The following XRN1 variants were observed in gnomAD, a reference collection of about 807,000 sequenced individuals.
The protein encoded by XRN1 is strand-exchange protein 1 homolog.
In XRN1, 67 loss-of-function variants were observed where a neutral mutation model predicts 222.3. That is an observed-to-expected ratio of 0.30 (90% CI 0.25 to 0.37). The LOEUF is 0.37. Ranked by LOEUF, XRN1 falls within the 10% of genes least tolerant of loss-of-function variation. The probability of loss-of-function intolerance (pLI) is 1.00; values close to 1 mark genes in which losing one functional copy is unlikely to be tolerated. For synonymous variants in XRN1, 643 were observed against 652.4 expected, an observed-to-expected ratio of 0.99 and a Z score of 0.22; for missense variants, 1,707 against 2,000.2, an observed-to-expected ratio of 0.85 and a Z score of 2.80.
In XRN1 at chr3:142,345,145, G is replaced by A. The variant is rs183360235; in HGVS notation, c.3877+2089C>T. On this transcript the variant is annotated intron_variant, in intron 33 of 40. Coordinates refer to ENST00000392981, the MANE Select transcript of XRN1 (RefSeq NM_001282857.2). The stretch of plus-strand genomic sequence containing the variant: ...GAGATGGTGTCTTAATATGTTTCCC[G>A]GGCTGGACTCAAACTCCTGGGTTCA... Among the ~76,000 whole-genome samples, 270 of 152,092 alleles carry A rather than the reference G, an allele frequency of 1.8e-3. 2 individuals carry two copies. Among genetic ancestry groups the A allele is most frequent in the Admixed American group, 9.9e-3 (151 of 15,254 alleles).
rs2070602827 is a variant in XRN1, at chr3:142,447,948, G to A, written c.-4C>T. Reference sequence around the variant, plus strand: ...TGTAAAACTTGGGGACTCCCATTTCGATCGTCAACACTAATCCCAGTCAGG... The same window carrying A: ...TGTAAAACTTGGGGACTCCCATTTCAATCGTCAACACTAATCCCAGTCAGG... On this transcript the variant is annotated 5_prime_UTR_variant, in exon 1 of 41. Transcript: ENST00000392981. The surrounding 1 kb of genome is among the most constrained non-coding windows in gnomAD (Gnocchi z 4.2). 2 of 1,613,638 alleles carry A rather than the reference G, an allele frequency of 1.2e-6. No individual in the cohort carries two copies. Among genetic ancestry groups the A allele is most frequent in the Middle Eastern group, 1.7e-4 (1 of 6,022 alleles).
At position 142,418,829 on chromosome 3, in the gene XRN1, A is replaced by C; in HGVS notation, c.1226T>G (p.Met409Arg). ...TTCATACTTACCCTTAGAAGTTATCATTTCGCCTTCATTTTTGTCTAAAGC... is the reference window on the plus strand; with the variant it reads ...TTCATACTTACCCTTAGAAGTTATCCTTTCGCCTTCATTTTTGTCTAAAGC... ...WTALDKNEGE[M>R]ITSKDNLEDE... The change falls in exon 11 of 41, where the codon ATG (methionine) becomes AGG (arginine). Residue 409 changes from methionine (M) to arginine (R), a missense_variant. Met to Arg is a moderately conservative substitution (Grantham distance 91). Transcript: ENST00000392981. 1 of 1,614,022 alleles carries C rather than the reference A, an allele frequency of 6.2e-7. No homozygotes were observed.
chr3:142,434,924 C>CA (rs1487109954), intron 1 of XRN1: 3 of 151,776 alleles, frequency 2.0e-5, no homozygotes, highest in South Asian at 2.1e-4. Context: ...AGAAATGTAA[C>CA]AAAAAAATTA....
intron 33 of XRN1, among the ~76,000 whole-genome samples, chr3:142,346,137 T>C (rs2066138152): frequency 6.6e-6 from 1 of 152,202 alleles, no homozygotes; most frequent in Non-Finnish European, 1.5e-5. Flanking sequence ...AACCTCCATG[T>C]CTACAAATGG....
chr3:142,391,573 T>A (rs757069937), intron 20 of XRN1, among the ~76,000 whole-genome samples: 16 of 151,534 alleles, frequency 1.1e-4, no homozygotes, highest in Admixed American at 3.3e-4. Flanking sequence ...TACAAAAAAT[T>A]AAAATAGTAG....
Position 142,380,069 on chromosome 3 carries a change from C to G in XRN1, c.2715+13G>C, listed in dbSNP as rs1334028143. 1.3e-6 allele frequency: 2 copies of G among 1,593,202 alleles called. No individual in the cohort carries two copies. Among genetic ancestry groups the G allele is most frequent in the Admixed American group, 3.4e-5 (2 of 58,486 alleles). On this transcript the variant is annotated intron_variant, in intron 23 of 40. Transcript: ENST00000392981. Reference sequence around the variant, plus strand: ...TCAATTCTAAATGAAACAATACAAACTACTGTACTCACATGCTGGTTCTGT... The same window carrying G: ...TCAATTCTAAATGAAACAATACAAAGTACTGTACTCACATGCTGGTTCTGT...
At chr3:142,360,891 C>A (rs1174633363) in intron 29 of XRN1, among the ~76,000 whole-genome samples, 28 of 109,858 alleles carry the variant, frequency 2.5e-4, no homozygotes, top group South Asian at 5.8e-4. Context: ...AAAAAAAAAA[C>A]CAAACAACAA....
intron 1 of XRN1, among the ~76,000 whole-genome samples, chr3:142,438,584 C>A (rs1291818548): frequency 6.6e-6 from 1 of 152,110 alleles, no homozygotes; most frequent in Non-Finnish European, 1.5e-5. Flanking sequence ...ACGTTCTCCC[C>A]CACAAGGCAA....
At chr3:142,358,356 T>C (rs2066520387) in intron 30 of XRN1, among the ~76,000 whole-genome samples, 1 of 152,208 alleles carries the variant, frequency 6.6e-6, no homozygotes. Context: ...CTTGTTAAGT[T>C]TTCAACTCTA....
At chr3:142,374,230 C>G (rs569450042) in intron 25 of XRN1, among the ~76,000 whole-genome samples, 1 of 151,952 alleles carries the variant, frequency 6.6e-6, no homozygotes. Context: ...AAACTGAATT[C>G]CTAGGATGAC....
chr3:142,320,521 G>A (rs1459616649), intron 37 of XRN1, among the ~76,000 whole-genome samples: 1 of 152,118 alleles, frequency 6.6e-6, no homozygotes, highest in Non-Finnish European at 1.5e-5. Context: ...TGTTTACTCT[G>A]TTGATTATTT....
chr3:142,432,735 C>A lies in XRN1; in HGVS notation c.234G>T (p.Arg78Ser), dbSNP rs2069685974. ...CATCTACAGCCATAAAGAACACTTTCCTGGGTTTAATAATGCGAAACAACA... is the reference window on the plus strand; with the variant it reads ...CATCTACAGCCATAAAGAACACTTTACTGGGTTTAATAATGCGAAACAACA... The part of the protein sequence containing the change: ...LEVLFRIIKP[R>S]KVFFMAVDGV... Residue 78 changes from arginine to serine, a missense_variant, in exon 2 of 41, where the codon AGG becomes AGT. Around this residue, in one of 2 missense-constraint regions of XRN1, gnomAD observed 1,234 missense variants for 1,518.2 expected, o/e 0.81. Coordinates refer to ENST00000392981, the MANE Select transcript of XRN1 (RefSeq NM_001282857.2). 1.2e-6 allele frequency: 2 copies of A among 1,613,352 alleles called. No individual in the cohort carries two copies. The highest frequency in any genetic ancestry group is 1.7e-6 in the Non-Finnish European group (2 of 1,179,780).
intron 32 of XRN1, among the ~76,000 whole-genome samples, chr3:142,349,188 C>T (rs2066237222): frequency 6.6e-6 from 1 of 151,592 alleles, no homozygotes; most frequent in South Asian, 2.1e-4. Context: ...TCCTGGGCTC[C>T]AGTGACCTAC....
chr3:142,338,261 T>G (rs1186841084), intron 33 of XRN1, among the ~76,000 whole-genome samples: 2 of 152,178 alleles, frequency 1.3e-5, no homozygotes, highest in Non-Finnish European at 2.9e-5. Context: ...AGAGGACTTT[T>G]GTATCTTGGA....
At chr3:142,438,824 T>C (rs1271593262) in intron 1 of XRN1, among the ~76,000 whole-genome samples, 1 of 152,164 alleles carries the variant, frequency 6.6e-6, no homozygotes, top group Non-Finnish European at 1.5e-5. Flanking sequence ...AACTTTCTTT[T>C]CATTAAGAGA....
intron 29 of XRN1, among the ~76,000 whole-genome samples, chr3:142,362,432 G>A (rs928869336): frequency 5.3e-5 from 8 of 151,624 alleles, no homozygotes; most frequent in Admixed American, 6.6e-5. Flanking sequence ...TACTGCGCCC[G>A]TCTCTAATTT....
intron 29 of XRN1, among the ~76,000 whole-genome samples, chr3:142,364,144 G>A (rs576496721): frequency 5.0e-4 from 76 of 152,326 alleles, no homozygotes; most frequent in Middle Eastern, 3.4e-3. Context: ...GATAGTGAGG[G>A]TTAAATGCAA....
At chr3:142,393,601 G>C (rs2067818263) in intron 20 of XRN1, among the ~76,000 whole-genome samples, 1 of 151,908 alleles carries the variant, frequency 6.6e-6, no homozygotes, top group Non-Finnish European at 1.5e-5. Flanking sequence ...CCCATTGCTT[G>C]TTTTTCTCAG....
chr3:142,386,312 A>G (rs1314653203), intron 20 of XRN1, among the ~76,000 whole-genome samples: 1 of 152,100 alleles, frequency 6.6e-6, no homozygotes, highest in Non-Finnish European at 1.5e-5. Flanking sequence ...CCAATTATGT[A>G]TAAAAGGATA....
Sources: allele counts gnomAD v4.1 joint callset (sites outside exome capture counted in the v4.1 genomes callset), GRCh38; gene constraint gnomAD v4.1.1; regional missense constraint gnomAD v4.1.1; non-coding constraint Gnocchi (gnomAD v3.1); transcripts MANE v1.5; gene names NCBI Gene and HGNC (gene_info 2026-07-23, HGNC 2026-07-21).